The following PLA2G15 variants were observed in gnomAD, a reference collection of about 807,000 sequenced individuals.
PLA2G15 encodes the protein lysosomal phospholipase A and acyltransferase.
PLA2G15 carries 20 observed loss-of-function variants against 40.9 expected under a neutral mutation model. The observed-to-expected ratio is 0.49, with a 90% CI of 0.34 to 0.71. The LOEUF (loss-of-function observed/expected upper bound fraction) is 0.71, where lower values mean the gene tolerates loss of function less well. PLA2G15 is among the 30% of genes least tolerant of loss of function. The pLI is 0.01. For synonymous variants in PLA2G15, 223 were observed against 228.2 expected, an observed-to-expected ratio of 0.98 and a Z score of 0.21; for missense variants, 471 against 541.9, an observed-to-expected ratio of 0.87 and a Z score of 1.30.
intron 5 of PLA2G15, 185 bp downstream of exon 5, chr16:68,256,175 G>A (rs2151205493): frequency 1.8e-6 from 1 of 564,972 alleles, no homozygotes; most frequent in South Asian, 2.3e-5. Flanking sequence ...TCAGAGAAAA[G>A]CATTTAATAG....
At chr16:68,256,041 C>A in intron 5 of PLA2G15, 51 bp downstream of exon 5, 3 of 1,217,100 alleles carry the variant, frequency 2.5e-6, no homozygotes, top group South Asian at 2.8e-5. Context: ...GAATTCTGCC[C>A]TCTCTTCCCT....
chr16:68,257,920 C>T (rs573659017), intron 5 of PLA2G15, among the ~76,000 whole-genome samples: 4 of 152,214 alleles, frequency 2.6e-5, no homozygotes, highest in East Asian at 1.9e-4. Context: ...GTGTGTGGTG[C>T]GGGGAGGTGG....
At position 68,255,058 on chromosome 16, in the gene PLA2G15, G is replaced by C. The variant is rs1413340667; in HGVS notation, c.403+21G>C. 1 of 1,480,082 alleles carries C rather than the reference G, an allele frequency of 6.8e-7. No homozygotes were observed. Among genetic ancestry groups the C allele is most frequent in the Admixed American group, 1.7e-5 (1 of 59,672 alleles). The allele number at this position is 1,480,082 out of a possible 1,614,324, so 91.7% of individuals were successfully genotyped here. A position where few individuals can be genotyped will look rare whatever the true frequency, so the allele number is the denominator to read the frequency against. On this transcript the variant is annotated intron_variant, in intron 3 of 5. Coordinates refer to ENST00000219345, the MANE Select transcript of PLA2G15 (RefSeq NM_012320.4). The surrounding 1 kb of genome is among the most constrained non-coding windows in gnomAD (Gnocchi z 5.9). ...CGTGGGTATGTAGCCCTTACTCAAG[G>C]CCTCCGGGAGCTGGGATGGGGTTTC...
At chr16:68,257,724 G>T (rs778704683) in intron 5 of PLA2G15, among the ~76,000 whole-genome samples, 1 of 152,196 alleles carries the variant, frequency 6.6e-6, no homozygotes, top group Non-Finnish European at 1.5e-5. Context: ...AAGACACTCA[G>T]ATTTAGTGAG....
rs773758560 is a variant in PLA2G15, at chr16:68,245,425, C to T, written c.-2C>T. ...CCGGACCTGCGGCGACCGTCGTACA[C>T]CATGGGCCTCCACCTCCGCCCCTAC... is the stretch of plus-strand genomic sequence containing the variant. On this transcript the variant is annotated 5_prime_UTR_variant, in exon 1 of 6. Coordinates refer to ENST00000219345, the MANE Select transcript of PLA2G15 (RefSeq NM_012320.4). The T allele has an allele frequency of 3.1e-6, 5 of 1,603,740 alleles. No individual in the cohort carries two copies. The South Asian group carries it at 3.3e-5, about 11-fold the overall frequency.
At position 68,245,542 on chromosome 16, in the gene PLA2G15, C is replaced by A. The variant is rs552310423; in HGVS notation, c.116C>A (p.Pro39Gln). 1.3e-6 allele frequency: 2 copies of A among 1,583,300 alleles called. No homozygotes were observed. The highest frequency in any genetic ancestry group is 2.3e-5 in the South Asian group (2 of 88,108). Reference sequence around the variant, plus strand: ...GCGCTCCCGGCCGGACGTCACCCCCCAGTGGTGCTGGGTGAGGCACGGGTC... The same window carrying A: ...GCGCTCCCGGCCGGACGTCACCCCCAAGTGGTGCTGGGTGAGGCACGGGTC... ...DPALPAGRHP[P>Q]VVLVPGDLGN... The change falls in exon 1 of 6, where the codon CCA (proline) becomes CAA (glutamine). Residue 39 changes from proline (P) to glutamine (Q), a missense_variant. Pro to Gln is a moderately conservative substitution (Grantham distance 76). Transcript: ENST00000219345.
chr16:68,260,055 GC>G lies in PLA2G15; in HGVS notation c.*399del. 4.2e-6 allele frequency: 1 copy of G among 237,714 alleles called. No homozygotes were observed. The highest frequency in any genetic ancestry group is 8.4e-6 in the Non-Finnish European group (1 of 119,518). The allele number at this position is 237,714 out of a possible 1,614,324, so 14.7% of individuals were successfully genotyped here. ...GCCTTCCTATGAGGGATGTTACTGGGCTGTGGTCCTGTACCCAGAGGTCCCA... is the reference window on the plus strand; with the variant it reads ...GCCTTCCTATGAGGGATGTTACTGGGTGTGGTCCTGTACCCAGAGGTCCCA... On this transcript the variant is annotated 3_prime_UTR_variant, in exon 6 of 6. Transcript: ENST00000219345.
chr16:68,254,869 C>A, intron 2 of PLA2G15, 50 bp from the exon 3 acceptor site: 3 of 1,156,980 alleles, frequency 2.6e-6, no homozygotes, highest in South Asian at 2.5e-5. Flanking sequence ...TGGGACACAC[C>A]AAGCTCAGTG....
In PLA2G15 at chr16:68,259,504, T is replaced by C; in HGVS notation, c.1086T>C (p.Thr362=). ...PKICFGDGDG[T]VNLKSALQCQ... ...TCTGCTTTGGTGACGGCGATGGTAC[T>C]GTGAACTTGAAGAGTGCCCTGCAGT... The change falls in exon 6 of 6, where the codon ACT becomes ACC. Residue 362 remains threonine, a synonymous_variant. Transcript: ENST00000219345. This position sits in a 1 kb window ranked among gnomAD's most constrained non-coding sequence, Gnocchi z 6.5. The C allele has an allele frequency of 2.5e-6, 4 of 1,613,256 alleles. No homozygotes were observed. Among genetic ancestry groups the C allele is most frequent in the East Asian group, 2.2e-5 (1 of 44,882 alleles).
intron 1 of PLA2G15, chr16:68,248,396 T>A (rs1298186828): frequency 6.5e-6 from 1 of 153,246 alleles, no homozygotes; most frequent in Admixed American, 6.5e-5. Flanking sequence ...ATATCTTTTT[T>A]TTTTTTTGAG....
Position 68,255,095 on chromosome 16 carries a change from A to T in PLA2G15, c.403+58A>T. The stretch of plus-strand genomic sequence containing the variant: ...TGGGATGGGGTTTCTGCCGGACTGG[A>T]GCTGGAGCTGGAGGAACTCTGCTGG... On this transcript the variant is annotated intron_variant, in intron 3 of 5. Transcript: ENST00000219345. The surrounding 1 kb of genome is among the most constrained non-coding windows in gnomAD (Gnocchi z 5.9). 1 of 1,183,106 alleles carries T rather than the reference A, an allele frequency of 8.5e-7. No individual in the cohort carries two copies. Among genetic ancestry groups the T allele is most frequent in the East Asian group, 2.3e-5 (1 of 42,806 alleles). 73.3% of individuals were successfully genotyped at this position (1,183,106 alleles called of 1,614,324 possible).
intron 1 of PLA2G15, among the ~76,000 whole-genome samples, chr16:68,248,022 T>G (rs2042323299): frequency 6.6e-6 from 1 of 152,144 alleles, no homozygotes; most frequent in Admixed American, 6.5e-5. Context: ...GAAGTCACCC[T>G]AGGGCCTGGA....
At chr16:68,245,596 C>A in intron 1 of PLA2G15, 43 bp downstream of exon 1, 1 of 1,539,414 alleles carries the variant, frequency 6.5e-7, no homozygotes, top group Non-Finnish European at 8.7e-7. Context: ...TCGGGCGGGA[C>A]GGGCCGCGGG....
intron 2 of PLA2G15, among the ~76,000 whole-genome samples, chr16:68,252,145 C>T (rs1384577421): frequency 1.3e-5 from 2 of 152,196 alleles, no homozygotes; most frequent in Non-Finnish European, 2.9e-5. Context: ...ACTGCTTTGG[C>T]TTTCCAGAAC....
intron 1 of PLA2G15, among the ~76,000 whole-genome samples, chr16:68,248,937 C>T (rs775861393): frequency 6.6e-6 from 1 of 152,152 alleles, no homozygotes; most frequent in Non-Finnish European, 1.5e-5. Context: ...ATCTGAATGG[C>T]CCAGGAGGAT....
chr16:68,257,406 G>A (rs2042410685), intron 5 of PLA2G15, among the ~76,000 whole-genome samples: 1 of 152,232 alleles, frequency 6.6e-6, no homozygotes, highest in South Asian at 2.1e-4. Context: ...CAGGGAGGAA[G>A]CAGGTGCAGA....
chr16:68,254,923 G>A lies in PLA2G15; in HGVS notation c.289G>A (p.Val97Ile). The A allele has an allele frequency of 6.2e-7, 1 of 1,609,584 alleles. No individual in the cohort carries two copies. The highest frequency in any genetic ancestry group is 8.5e-7 in the Non-Finnish European group (1 of 1,175,980). Residue 97 changes from valine (V) to isoleucine (I), a missense_variant, in exon 3 of 6, where the codon GTT becomes ATT. Val to Ile is a conservative substitution (Grantham distance 29). Transcript: ENST00000219345. ...IDCWIDNIRL[V>I]YNKTSRATQF... ...CTCAATATCCTCTCACAACAGGCTG[G>A]TTTACAACAAAACATCCAGGGCCAC... is the stretch of plus-strand genomic sequence containing the variant.
intron 1 of PLA2G15, among the ~76,000 whole-genome samples, chr16:68,247,709 T>C (rs1457212011): frequency 6.6e-6 from 1 of 152,216 alleles, no homozygotes; most frequent in African/African-American, 2.4e-5. Flanking sequence ...CTGCCTCTCA[T>C]GGCACCCTGA....
rs773633859 is a variant in PLA2G15 at position 68,245,510 on chromosome 16, G to A, written c.84G>A (p.Ala28=). 3 of 1,601,258 alleles carry A rather than the reference G, an allele frequency of 1.9e-6. No homozygotes were observed. Among genetic ancestry groups the A allele is most frequent in the Non-Finnish European group, 2.5e-6 (3 of 1,177,814 alleles). The stretch of plus-strand genomic sequence containing the variant: ...TCTTGCTGCTGCTAATGCTGCTCGC[G>A]GACCCAGCGCTCCCGGCCGGACGTC... The part of the protein sequence containing the change: ...LFLLLLLMLL[A]DPALPAGRHP... The change falls in exon 1 of 6, where the codon GCG becomes GCA. Residue 28 remains alanine, a synonymous_variant. Coordinates refer to ENST00000219345, the MANE Select transcript of PLA2G15 (RefSeq NM_012320.4).
Sources: allele counts gnomAD v4.1 joint callset (sites outside exome capture counted in the v4.1 genomes callset), GRCh38; gene constraint gnomAD v4.1.1; non-coding constraint Gnocchi (gnomAD v3.1); transcripts MANE v1.5; gene names NCBI Gene and HGNC (gene_info 2026-07-23, HGNC 2026-07-21).